Variants in ULK4 observed in about 807,000 individuals in gnomAD.
ULK4 encodes unc-51 like kinase 4.
In ULK4, 133 loss-of-function variants were observed where a neutral mutation model predicts 160.6. The observed-to-expected ratio is 0.83, with a 90% CI of 0.72 to 0.96. The LOEUF is 0.96. Among genes scored for constraint, ULK4 ranks in the 40% least tolerant of loss-of-function variants. ULK4 has a pLI of 0.00. For missense variants in ULK4, 1,580 were observed against 1,499.5 expected (o/e 1.05, Z -0.89); for synonymous variants, 534 against 539.8 (o/e 0.99, Z 0.15).
chr3:41,605,166 ATACT>A (rs749410247), intron 31 of ULK4, among the ~76,000 whole-genome samples: 52 of 152,076 alleles, frequency 3.4e-4, no homozygotes, highest in Non-Finnish European at 6.8e-4. Context: ...ATTAAAAAAA[ATACT>A]TAACTGAGCC....
chr3:41,483,281 C>T (rs917330705), intron 32 of ULK4, among the ~76,000 whole-genome samples: 3 of 152,110 alleles, frequency 2.0e-5, no homozygotes, highest in African/African-American at 7.2e-5. Flanking sequence ...ACTTATTTTA[C>T]TTATTTTATT....
chr3:41,775,429 T>G (rs1198866277), intron 21 of ULK4, among the ~76,000 whole-genome samples: 5 of 149,084 alleles, frequency 3.4e-5, no homozygotes, highest in African/African-American at 1.3e-4. Flanking sequence ...GATGCAGTCT[T>G]GCTCTGTCAC....
At position 41,743,306 on chromosome 3, in the gene ULK4, A is replaced by G. The variant is rs905688200; in HGVS notation, c.2321+11055T>C. Among the ~76,000 whole-genome samples the G allele has an allele frequency of 2.6e-5, 4 of 151,846 alleles. 1 individual carries two copies. Among genetic ancestry groups the G allele is most frequent in the African/African-American group, 9.7e-5 (4 of 41,212 alleles). On this transcript the variant is annotated intron_variant, in intron 22 of 36. Transcript: ENST00000301831. ...TATGAAACCATAGGGGACAGAAGAA[A>G]GTAGAAAAATTTTAAAGACTAAAAA... is the stretch of plus-strand genomic sequence containing the variant.
At chr3:41,652,374 A>G (rs1368969998) in intron 30 of ULK4, among the ~76,000 whole-genome samples, 1 of 152,202 alleles carries the variant, frequency 6.6e-6, no homozygotes, top group Non-Finnish European at 1.5e-5. Context: ...CTATCAGAAA[A>G]ACAATACTGG....
intron 3 of ULK4, 112 bp from the exon 4 acceptor site, chr3:41,936,052 C>A: frequency 7.3e-7 from 1 of 1,370,836 alleles, no homozygotes; most frequent in African/African-American, 1.5e-5. Context: ...AGACAGTAAA[C>A]GCTGACAGCC....
chr3:41,406,470 G>A (rs779440928), intron 34 of ULK4, among the ~76,000 whole-genome samples: 19 of 152,084 alleles, frequency 1.2e-4, no homozygotes, highest in Non-Finnish European at 2.2e-4. Flanking sequence ...GGTTCCATAC[G>A]AATTTTAGAA....
chr3:41,829,551 T>C (rs1402149626), intron 18 of ULK4, among the ~76,000 whole-genome samples: 2 of 152,130 alleles, frequency 1.3e-5, no homozygotes, highest in African/African-American at 2.4e-5. Flanking sequence ...AAAATGCTCA[T>C]CATCACTGGC....
intron 35 of ULK4, among the ~76,000 whole-genome samples, chr3:41,287,059 G>A (rs183107769): frequency 3.3e-4 from 50 of 152,340 alleles, no homozygotes; most frequent in Non-Finnish European, 6.5e-4. Flanking sequence ...GCAGAAGGCT[G>A]TGAAAGATGC....
chr3:41,805,945 CTT>C (rs2040629407), intron 19 of ULK4, among the ~76,000 whole-genome samples: 1 of 145,294 alleles, frequency 6.9e-6, no homozygotes, highest in Non-Finnish European at 1.5e-5. Context: ...CTAAAATTCT[CTT>C]TTTTGGTTGT....
chr3:41,574,456 C>A (rs2088111074), intron 31 of ULK4, among the ~76,000 whole-genome samples: 1 of 151,078 alleles, frequency 6.6e-6, no homozygotes, highest in South Asian at 2.1e-4. Context: ...CAATTGGCAT[C>A]CTTAGCAGGG....
At chr3:41,366,712 C>T (rs7622755) in intron 35 of ULK4, among the ~76,000 whole-genome samples, 39,253 of 152,070 alleles carry the variant, frequency 0.26, 5,300 homozygotes, top group South Asian at 0.4. Context: ...CATGAATATA[C>T]ACAATATGCA....
chr3:41,777,299 T>A (rs1383930058), intron 21 of ULK4, among the ~76,000 whole-genome samples: 1 of 83,442 alleles, frequency 1.2e-5, no homozygotes, highest in Admixed American at 1.2e-4. Context: ...TGTGTCTATT[T>A]GATTCTTCTC....
intron 31 of ULK4, 34 bp from the exon 32 acceptor site, chr3:41,566,164 C>T: frequency 1.9e-6 from 3 of 1,547,480 alleles, no homozygotes; most frequent in South Asian, 1.1e-5. Context: ...CATAACCATA[C>T]AGAAATACAA....
intron 13 of ULK4, among the ~76,000 whole-genome samples, chr3:41,900,363 T>C (rs1295353530): frequency 6.6e-6 from 1 of 152,028 alleles, no homozygotes; most frequent in Non-Finnish European, 1.5e-5. Flanking sequence ...ACTAGAATAT[T>C]TAGAGTGATT....
chr3:41,795,298 C>T (rs1216524167), intron 20 of ULK4, among the ~76,000 whole-genome samples: 1 of 152,148 alleles, frequency 6.6e-6, no homozygotes, highest in Non-Finnish European at 1.5e-5. Context: ...GTTAGAGTAA[C>T]TGTATAATGA....
At chr3:41,392,597 T>G (rs965632041) in intron 35 of ULK4, among the ~76,000 whole-genome samples, 4 of 152,106 alleles carry the variant, frequency 2.6e-5, no homozygotes, top group Admixed American at 6.6e-5. Context: ...CCTCTCTGAA[T>G]CCACCCAGGC....
intron 31 of ULK4, among the ~76,000 whole-genome samples, chr3:41,594,784 C>T (rs914204462): frequency 6.6e-6 from 1 of 151,816 alleles, no homozygotes; most frequent in African/African-American, 2.4e-5. Context: ...GGAACGCAAA[C>T]AGCAGGGGAG....
intron 32 of ULK4, among the ~76,000 whole-genome samples, chr3:41,492,229 T>C (rs1046125111): frequency 3.7e-4 from 57 of 152,124 alleles, no homozygotes; most frequent in Admixed American, 1.0e-3. Flanking sequence ...TGATTTATAG[T>C]CCTTTGGGTA....
At chr3:41,365,628 A>G (rs752952274) in intron 35 of ULK4, among the ~76,000 whole-genome samples, 3 of 152,170 alleles carry the variant, frequency 2.0e-5, no homozygotes, top group Non-Finnish European at 4.4e-5. Flanking sequence ...GTTTTTTATG[A>G]TAGAAAACTG....
Sources: gnomAD v4.1 joint callset for allele counts (sites outside exome capture counted in the v4.1 genomes callset) on GRCh38, gnomAD v4.1.1 for gene constraint, MANE v1.5 for transcripts, NCBI Gene and HGNC (gene_info 2026-07-23, HGNC 2026-07-21) for gene names.